FOXP1: variants seen among roughly 807,000 people sequenced by gnomAD.
FOXP1 encodes the protein forkhead box protein P1.
FOXP1 carries 15 observed loss-of-function variants against 98.2 expected under a neutral mutation model. That is an observed-to-expected ratio of 0.15 (90% CI 0.10 to 0.24). The LOEUF (loss-of-function observed/expected upper bound fraction) is 0.24. Ranked by LOEUF, FOXP1 falls within the 10% of genes least tolerant of loss-of-function variation. The pLI is 1.00. For missense variants in FOXP1, 633 were observed against 848.5 expected (o/e 0.75, Z 3.15); for synonymous variants, 371 against 314.5 (o/e 1.18, Z -1.90).
Position 70,970,743 on chromosome 3 carries a change from G to A in FOXP1, c.1715C>T (p.Ala572Val). The change falls in exon 19 of 21, where the codon GCT becomes GTT. Residue 572 changes from alanine to valine, a missense_variant. Around this residue, in one of 6 missense-constraint regions of FOXP1, gnomAD observed 150 missense variants for 163.7 expected, o/e 0.92. Coordinates refer to ENST00000649528, the MANE Select transcript of FOXP1 (RefSeq NM_001349338.3). ...SHAYCTPLNA[A>V]LQASMAENSI... ...GACGGCCGTTAATCTTACCTGTAAA[G>A]CTGCATTGAGAGGTGTGCAGTAGGC... is the stretch of plus-strand genomic sequence containing the variant. 1.2e-6 allele frequency: 2 copies of A among 1,613,160 alleles called. No individual in the cohort carries two copies. Among genetic ancestry groups the A allele is most frequent in the Non-Finnish European group, 1.7e-6 (2 of 1,179,072 alleles).
At chr3:71,060,291 C>G (rs1324518194) in intron 7 of FOXP1, among the ~76,000 whole-genome samples, 2 of 152,064 alleles carry the variant, frequency 1.3e-5, no homozygotes, top group Admixed American at 1.3e-4. Context: ...GTTTCTCATG[C>G]CTATTTCCAA....
At chr3:71,524,487 C>A (rs1285241716) in intron 2 of FOXP1, among the ~76,000 whole-genome samples, 1 of 150,256 alleles carries the variant, frequency 6.7e-6, no homozygotes, top group Non-Finnish European at 1.5e-5. Context: ...CACTTTGTTG[C>A]TGGGTTTCTA....
intron 5 of FOXP1, among the ~76,000 whole-genome samples, chr3:71,232,841 C>T (rs904475684): frequency 4.2e-5 from 5 of 119,588 alleles, no homozygotes; most frequent in Admixed American, 1.1e-4. Context: ...GAAGTTATAA[C>T]GAGCTGAGAT....
chr3:70,971,868 A>T (rs2036334687), intron 18 of FOXP1: 2 of 559,380 alleles, frequency 3.6e-6, no homozygotes, highest in Middle Eastern at 5.5e-4. Flanking sequence ...AGAGCAATAC[A>T]TGTACAAATC....
intron 3 of FOXP1, among the ~76,000 whole-genome samples, chr3:71,482,480 G>A (rs926132931): frequency 2.0e-5 from 3 of 148,334 alleles, no homozygotes; most frequent in Admixed American, 6.9e-5. Context: ...GCAATTCTCC[G>A]GCCTCAGCAG....
intron 4 of FOXP1, among the ~76,000 whole-genome samples, chr3:71,309,140 T>C (rs909009579): frequency 6.6e-6 from 1 of 152,146 alleles, no homozygotes; most frequent in Non-Finnish European, 1.5e-5. Flanking sequence ...ATAGGCCTCA[T>C]CCTTACTGGA....
chr3:71,305,365 A>G (rs1471262669), intron 4 of FOXP1, among the ~76,000 whole-genome samples: 1 of 152,094 alleles, frequency 6.6e-6, no homozygotes, highest in Non-Finnish European at 1.5e-5. Flanking sequence ...TTCCCTCCCG[A>G]CCGCCTCTCT....
At chr3:71,207,437 G>A (rs1198696752) in intron 5 of FOXP1, among the ~76,000 whole-genome samples, 2 of 152,150 alleles carry the variant, frequency 1.3e-5, no homozygotes, top group Non-Finnish European at 2.9e-5. Context: ...GTGAATGTGG[G>A]CCATCAGAAT....
chr3:71,248,649 G>A (rs1306322307), intron 5 of FOXP1, among the ~76,000 whole-genome samples: 1 of 151,724 alleles, frequency 6.6e-6, no homozygotes, highest in African/African-American at 2.4e-5. Context: ...GCTGAGGCAG[G>A]AGAATCGCTT....
At chr3:71,100,549 T>C (rs989433564) in intron 7 of FOXP1, among the ~76,000 whole-genome samples, 1 of 152,194 alleles carries the variant, frequency 6.6e-6, no homozygotes, top group Non-Finnish European at 1.5e-5. Flanking sequence ...GTGGAGAACT[T>C]AGGAACGGGA....
intron 5 of FOXP1, among the ~76,000 whole-genome samples, chr3:71,233,481 C>T (rs2066504576): frequency 6.6e-6 from 1 of 151,798 alleles, no homozygotes. Flanking sequence ...GGCTAGAGTG[C>T]AATGGCGCGA....
intron 2 of FOXP1, among the ~76,000 whole-genome samples, chr3:71,536,291 A>G (rs1402909764): frequency 1.3e-5 from 2 of 152,204 alleles, no homozygotes; most frequent in Admixed American, 6.5e-5. Context: ...TGAACTCTCA[A>G]TAATTTACTT....
At chr3:71,328,995 A>AAAAAAAAAAC (rs2076114939) in intron 4 of FOXP1, among the ~76,000 whole-genome samples, 1 of 150,476 alleles carries the variant, frequency 6.6e-6, no homozygotes, top group Non-Finnish European at 1.5e-5. Flanking sequence ...AAAAACAAAA[A>AAAAAAAAAAC]AAAAAAAACT....
At chr3:71,261,657 G>T (rs185160405) in intron 5 of FOXP1, among the ~76,000 whole-genome samples, 1 of 151,904 alleles carries the variant, frequency 6.6e-6, no homozygotes, top group African/African-American at 2.4e-5. Context: ...AAATAATCTC[G>T]AACAATTGTG....
intron 3 of FOXP1, among the ~76,000 whole-genome samples, chr3:71,436,017 AG>A (rs1354266459): frequency 6.6e-6 from 1 of 151,590 alleles, no homozygotes; most frequent in African/African-American, 2.4e-5. Flanking sequence ...GAAGAAAGGA[AG>A]AAAGGGGGGA....
At chr3:71,454,934 C>T (rs951776451) in intron 3 of FOXP1, among the ~76,000 whole-genome samples, 1 of 152,158 alleles carries the variant, frequency 6.6e-6, no homozygotes, top group African/African-American at 2.4e-5. Flanking sequence ...TGCATCTCCT[C>T]TGTGCTGCTT....
intron 6 of FOXP1, among the ~76,000 whole-genome samples, chr3:71,190,723 G>A (rs1283020361): frequency 6.6e-6 from 1 of 151,712 alleles, no homozygotes; most frequent in Non-Finnish European, 1.5e-5. Flanking sequence ...TTTTCTAGTG[G>A]AGCTCACTTA....
chr3:70,986,094 C>A (rs1384966608), intron 14 of FOXP1, among the ~76,000 whole-genome samples: 1 of 152,130 alleles, frequency 6.6e-6, no homozygotes, highest in African/African-American at 2.4e-5. Context: ...TTCAAAGTTA[C>A]AATTTTCTAG....
chr3:71,012,457 C>T (rs1349367672), intron 12 of FOXP1, among the ~76,000 whole-genome samples: 2 of 152,142 alleles, frequency 1.3e-5, no homozygotes, highest in African/African-American at 2.4e-5. Context: ...CATTGCTGAT[C>T]GTGATTGTTC....
Sources: allele counts gnomAD v4.1 joint callset (sites outside exome capture counted in the v4.1 genomes callset), GRCh38; gene constraint gnomAD v4.1.1; regional missense constraint gnomAD v4.1.1; transcripts MANE v1.5; gene names NCBI Gene and HGNC (gene_info 2026-07-23, HGNC 2026-07-21).